The following DCT variants were observed in gnomAD, a reference collection of about 807,000 sequenced individuals.
DCT encodes dopachrome tautomerase, also known as L-dopachrome tautomerase.
Under a neutral mutation model 53.0 loss-of-function variants are expected in DCT, and 47 were observed. That is an observed-to-expected ratio of 0.89 (90% CI 0.70 to 1.13). The LOEUF (loss-of-function observed/expected upper bound fraction) is 1.13. DCT is among the 50% of genes most tolerant of loss of function. The pLI is 0.00. For synonymous variants in DCT, 244 were observed against 237.0 expected (o/e 1.03, Z -0.27); for missense variants, 669 against 637.4 (o/e 1.05, Z -0.53).
At chr13:94,453,498 T>C (rs1883227268) in intron 6 of DCT, among the ~76,000 whole-genome samples, 1 of 152,224 alleles carries the variant, frequency 6.6e-6, no homozygotes, top group Non-Finnish European at 1.5e-5. Flanking sequence ...TTATGATTTT[T>C]CTTATTTAAA....
the DCT span, among the ~76,000 whole-genome samples, chr13:94,499,588 T>G: frequency 6.6e-6 from 1 of 152,300 alleles, no homozygotes; most frequent in South Asian, 2.1e-4. Flanking sequence ...TTAGATGGCC[T>G]AATTTTAAAC....
the DCT span, among the ~76,000 whole-genome samples, chr13:94,492,726 C>T: frequency 6.6e-6 from 1 of 152,040 alleles, no homozygotes; most frequent in Non-Finnish European, 1.5e-5. Context: ...CTGAAGAACA[C>T]AAAGATGTAC....
chr13:94,544,499 G>A, the DCT span, among the ~76,000 whole-genome samples: 13 of 152,188 alleles, frequency 8.5e-5, no homozygotes, highest in South Asian at 6.2e-4. Context: ...TGCATTTGGC[G>A]TCTGAGATGA....
the DCT span, among the ~76,000 whole-genome samples, chr13:94,513,987 C>CAAAAAAAAAAAAA: frequency 3.0e-4 from 16 of 53,194 alleles, no homozygotes; most frequent in Non-Finnish European, 5.1e-4. Flanking sequence ...AACTCTGTCT[C>CAAAAAAAAAAAAA]AAAAAAAAAA....
At chr13:94,474,684 A>C (rs1191875223) in intron 1 of DCT, among the ~76,000 whole-genome samples, 2 of 152,234 alleles carry the variant, frequency 1.3e-5, no homozygotes, top group African/African-American at 4.8e-5. Flanking sequence ...AGCAAATTCA[A>C]AGTCTCCTGC....
the DCT span, among the ~76,000 whole-genome samples, chr13:94,526,466 T>C: frequency 3.9e-5 from 6 of 152,036 alleles, no homozygotes; most frequent in Non-Finnish European, 8.8e-5. Flanking sequence ...AAGACCCCTA[T>C]CTCTACAAAA....
rs1555334365 is a variant in DCT at position 94,472,521 on chromosome 13, CATATATATATATAT to C, written c.296-3490_296-3477del. Among the ~76,000 whole-genome samples the C allele has an allele frequency of 6.7e-3, 170 of 25,250 alleles. 2 individuals are homozygous for C. Among genetic ancestry groups the C allele is most frequent in the Admixed American group, 0.017 (30 of 1,722 alleles). 16.6% of individuals were successfully genotyped at this position (25,250 alleles called of 152,430 possible). A position where few individuals can be genotyped will look rare whatever the true frequency, so the allele number is the denominator to read the frequency against. On this transcript the variant is annotated intron_variant, in intron 1 of 7. Coordinates refer to ENST00000377028, the MANE Select transcript of DCT (RefSeq NM_001922.5). ...AGTGAGTTAAATATATACATACATA[CATATATATATATAT>C]ATATATATATATATATATATATATA...
chr13:94,504,289 G>T, the DCT span, among the ~76,000 whole-genome samples: 11,334 of 152,232 alleles, frequency 0.074, 881 homozygotes, highest in African/African-American at 0.2. Flanking sequence ...TTACCTGTTA[G>T]CCTTGGTAGA....
the DCT span, among the ~76,000 whole-genome samples, chr13:94,515,577 T>A: frequency 1.5e-3 from 236 of 152,296 alleles, 5 homozygotes; most frequent in Non-Finnish European, 1.3e-4. Flanking sequence ...CCAAGCATCA[T>A]GGGTTCTGAT....
chr13:94,506,886 A>C, the DCT span, among the ~76,000 whole-genome samples: 1 of 152,218 alleles, frequency 6.6e-6, no homozygotes, highest in Admixed American at 6.5e-5. Flanking sequence ...TGTTCTTGCC[A>C]AAAATGTTTA....
upstream of DCT, among the ~76,000 whole-genome samples, chr13:94,480,982 C>A (rs1885416343): frequency 6.6e-6 from 1 of 152,218 alleles, no homozygotes; most frequent in Admixed American, 6.5e-5. Flanking sequence ...GCAGGACTGG[C>A]GTGTGTCAGC....
At chr13:94,507,100 C>G in the DCT span, among the ~76,000 whole-genome samples, 1 of 152,096 alleles carries the variant, frequency 6.6e-6, no homozygotes, top group East Asian at 1.9e-4. Context: ...AATATGGAGA[C>G]ACAACTACAT....
chr13:94,481,146 C>T (rs1410354954), upstream of DCT, among the ~76,000 whole-genome samples: 1 of 152,210 alleles, frequency 6.6e-6, no homozygotes, highest in Non-Finnish European at 1.5e-5. Context: ...GTTTTTCCTC[C>T]ATGTCTGTTT....
Position 94,479,017 on chromosome 13 carries a change from T to C in DCT, c.239A>G (p.Gln80Arg), listed in dbSNP as rs1232087043. Reference sequence around the variant, plus strand: ...TCTTGGCCACAGCTCACGGTCATCCTGGTTTCGTAGGATGTAGGGACCACT... The same window carrying C: ...TCTTGGCCACAGCTCACGGTCATCCCGGTTTCGTAGGATGTAGGGACCACT... ...PWSGPYILRNQDDRELWPRKF... is the reference protein window; with the variant it reads ...PWSGPYILRNRDDRELWPRKF... Residue 80 changes from glutamine (Q) to arginine (R), a missense_variant, in exon 1 of 8, where the codon CAG becomes CGG. Gln to Arg is a conservative substitution (Grantham distance 43, BLOSUM62 1). Transcript: ENST00000377028. 2 of 1,613,962 alleles carry C rather than the reference T, an allele frequency of 1.2e-6. No homozygotes were observed. The highest frequency in any genetic ancestry group is 1.7e-5 in the Admixed American group (1 of 60,022).
the DCT span, among the ~76,000 whole-genome samples, chr13:94,536,606 C>T: frequency 2.6e-5 from 4 of 152,242 alleles, no homozygotes; most frequent in South Asian, 4.2e-4. Context: ...CTCCCTCTCC[C>T]GCTATGTGAC....
At chr13:94,514,315 C>T in the DCT span, among the ~76,000 whole-genome samples, 3 of 151,908 alleles carry the variant, frequency 2.0e-5, no homozygotes, top group African/African-American at 4.8e-5. Context: ...ACCACCAAAA[C>T]GGGGGTGGGC....
the DCT span, among the ~76,000 whole-genome samples, chr13:94,488,506 G>A: frequency 5.9e-5 from 9 of 152,118 alleles, no homozygotes; most frequent in South Asian, 4.2e-4. Flanking sequence ...CTTGAGCTCA[G>A]GAGTTTGAGA....
intron 6 of DCT, among the ~76,000 whole-genome samples, chr13:94,447,433 C>T (rs1031777201): frequency 6.6e-6 from 1 of 152,146 alleles, no homozygotes; most frequent in Admixed American, 6.5e-5. Context: ...TGACAGGAGG[C>T]GGAGCTCAAG....
At chr13:94,476,891 G>A (rs142467099) in intron 1 of DCT, among the ~76,000 whole-genome samples, 3 of 152,152 alleles carry the variant, frequency 2.0e-5, no homozygotes, top group East Asian at 1.9e-4. Flanking sequence ...CTCCTCATTC[G>A]TCTAAAACAC....
Sources: gnomAD v4.1 joint callset for allele counts (sites outside exome capture counted in the v4.1 genomes callset) on GRCh38, gnomAD v4.1.1 for gene constraint, MANE v1.5 for transcripts, NCBI Gene and HGNC (gene_info 2026-07-23, HGNC 2026-07-21) for gene names.